The following CHCHD6 variants were observed in gnomAD, a reference collection of about 807,000 sequenced individuals.
CHCHD6 encodes coiled-coil-helix-coiled-coil-helix domain containing 6.
CHCHD6 carries 28 observed loss-of-function variants against 32.3 expected under a neutral mutation model. The observed-to-expected ratio is 0.87, with a 90% CI of 0.64 to 1.19. The LOEUF (loss-of-function observed/expected upper bound fraction) is 1.19. Ranked by LOEUF, CHCHD6 falls within the 50% of genes most tolerant of loss-of-function variation. The pLI is 0.00. For synonymous variants in CHCHD6, 122 were observed against 117.5 expected (o/e 1.04, Z -0.25); for missense variants, 333 against 307.0 (o/e 1.08, Z -0.63).
intron 4 of CHCHD6, among the ~76,000 whole-genome samples, chr3:126,803,048 G>C (rs572994481): frequency 3.7e-4 from 56 of 152,052 alleles, no homozygotes; most frequent in African/African-American, 1.2e-3. Context: ...TGCCCTACAA[G>C]AGCTCCTGAC....
intron 3 of CHCHD6, among the ~76,000 whole-genome samples, chr3:126,731,692 C>G (rs999943238): frequency 2.0e-5 from 3 of 152,096 alleles, no homozygotes; most frequent in African/African-American, 7.2e-5. Context: ...CGTTTGCCCT[C>G]TAGTAGTTCA....
chr3:126,823,017 C>T (rs1940218258), intron 4 of CHCHD6, among the ~76,000 whole-genome samples: 1 of 152,018 alleles, frequency 6.6e-6, no homozygotes, highest in Admixed American at 6.6e-5. Context: ...GCAGTCCTCC[C>T]ACATCAGCCT....
chr3:126,798,771 G>T (rs1478810066), intron 4 of CHCHD6, among the ~76,000 whole-genome samples: 1 of 152,216 alleles, frequency 6.6e-6, no homozygotes, highest in Non-Finnish European at 1.5e-5. Context: ...GATGTTGGTT[G>T]AATTTCGCAG....
chr3:126,840,709 T>C (rs1941039182), intron 4 of CHCHD6, among the ~76,000 whole-genome samples: 1 of 152,164 alleles, frequency 6.6e-6, no homozygotes, highest in African/African-American at 2.4e-5. Context: ...AAATAATTCT[T>C]GGCTGCCATT....
chr3:126,812,577 A>G (rs967505992), intron 4 of CHCHD6, among the ~76,000 whole-genome samples: 1 of 147,266 alleles, frequency 6.8e-6, no homozygotes, highest in Non-Finnish European at 1.5e-5. Context: ...GGCACCCACC[A>G]CCATACCCAG....
chr3:126,719,255 G>T (rs192689602), intron 1 of CHCHD6, among the ~76,000 whole-genome samples: 7 of 152,350 alleles, frequency 4.6e-5, no homozygotes, highest in Non-Finnish European at 1.0e-4. Flanking sequence ...CCTTCTCAGA[G>T]ACTGTGCTTC....
chr3:126,814,441 C>T (rs1255840239), intron 4 of CHCHD6, among the ~76,000 whole-genome samples: 1 of 152,216 alleles, frequency 6.6e-6, no homozygotes, highest in African/African-American at 2.4e-5. Context: ...CAGCATGGGA[C>T]TGGTCACCAG....
chr3:126,717,134 TG>T (rs1390990842), intron 1 of CHCHD6, among the ~76,000 whole-genome samples: 1 of 152,178 alleles, frequency 6.6e-6, no homozygotes, highest in Non-Finnish European at 1.5e-5. Context: ...CTTCATGGAC[TG>T]GGCAAGTTCT....
At chr3:126,830,146 G>A (rs1008379622) in intron 4 of CHCHD6, among the ~76,000 whole-genome samples, 10 of 152,144 alleles carry the variant, frequency 6.6e-5, no homozygotes, top group African/African-American at 2.2e-4. Flanking sequence ...TGTTGTTTAA[G>A]CCTCCAGTGT....
intron 4 of CHCHD6, among the ~76,000 whole-genome samples, chr3:126,743,937 G>A (rs770547737): frequency 6.6e-6 from 1 of 152,134 alleles, no homozygotes; most frequent in South Asian, 2.1e-4. Context: ...CGCATCAGAT[G>A]GTATGCGCTG....
intron 6 of CHCHD6, among the ~76,000 whole-genome samples, chr3:126,932,308 A>G (rs2078417844): frequency 6.6e-6 from 1 of 151,772 alleles, no homozygotes. Flanking sequence ...CCTGGGCCCC[A>G]CCCCAAGCGA....
chr3:126,794,367 T>C (rs1051305276), intron 4 of CHCHD6, among the ~76,000 whole-genome samples: 5 of 148,030 alleles, frequency 3.4e-5, no homozygotes, highest in Non-Finnish European at 7.5e-5. Context: ...TTTTGTGTTT[T>C]CCCCCCATAT....
intron 5 of CHCHD6, among the ~76,000 whole-genome samples, chr3:126,910,279 A>AAAAAAAACAAAAAC (rs1167339696): frequency 6.6e-6 from 1 of 151,470 alleles, no homozygotes; most frequent in East Asian, 1.9e-4. Context: ...TCAGGAAAAA[A>AAAAAAAACAAAAAC]AAAAAAACAA....
intron 5 of CHCHD6, among the ~76,000 whole-genome samples, chr3:126,862,198 G>A (rs376730748): frequency 1.3e-4 from 3 of 22,428 alleles, no homozygotes; most frequent in East Asian, 1.4e-3. Context: ...CATCACAACC[G>A]CCTCCTCCAC....
intron 1 of CHCHD6, among the ~76,000 whole-genome samples, chr3:126,715,761 T>C (rs1329340341): frequency 6.6e-6 from 1 of 152,230 alleles, no homozygotes; most frequent in Admixed American, 6.5e-5. Flanking sequence ...GGAGTTTTTC[T>C]TCTTGTGGAG....
intron 5 of CHCHD6, among the ~76,000 whole-genome samples, chr3:126,872,069 A>C (rs2077480316): frequency 6.6e-6 from 1 of 152,150 alleles, no homozygotes; most frequent in Non-Finnish European, 1.5e-5. Context: ...GGTGGCTCTC[A>C]ACCAGGGGTG....
intron 4 of CHCHD6, among the ~76,000 whole-genome samples, chr3:126,800,654 T>C (rs1939018765): frequency 6.6e-6 from 1 of 152,202 alleles, no homozygotes; most frequent in Non-Finnish European, 1.5e-5. Context: ...ATCCTCCAGG[T>C]TATCCCCCTG....
In CHCHD6 at chr3:126,893,397, G is replaced by A. The variant is rs77707101; in HGVS notation, c.496-21283G>A. Among the ~76,000 whole-genome samples the A allele has an allele frequency of 1.9e-3, 293 of 152,274 alleles. 1 individual carries two copies. Among genetic ancestry groups the A allele is most frequent in the African/African-American group, 6.6e-3 (273 of 41,536 alleles). On this transcript the variant is annotated intron_variant, in intron 5 of 7. Coordinates refer to ENST00000290913, the MANE Select transcript of CHCHD6 (RefSeq NM_032343.3). ...TCTCATAGCCCTGAGTGACTCATTC[G>A]TTTTCTCTACCTTGTCTAGCCCTGT...
chr3:126,950,247 A>G (rs964650578), intron 6 of CHCHD6, among the ~76,000 whole-genome samples: 1 of 152,100 alleles, frequency 6.6e-6, no homozygotes, highest in Non-Finnish European at 1.5e-5. Flanking sequence ...AAAAAGTTGT[A>G]TGCAGGGTAG....
Sources: gnomAD v4.1 joint callset for allele counts (sites outside exome capture counted in the v4.1 genomes callset) on GRCh38, gnomAD v4.1.1 for gene constraint, MANE v1.5 for transcripts, NCBI Gene and HGNC (gene_info 2026-07-23, HGNC 2026-07-21) for gene names.